Variants in LRRC9 observed in about 807,000 individuals in gnomAD.
LRRC9 encodes leucine-rich repeat-containing protein 9.
Under a neutral mutation model 63.2 loss-of-function variants are expected in LRRC9, and 122 were observed. The ratio of observed to expected loss-of-function variants is 1.93; its 90% CI spans 1.67 to 2.24. LRRC9 has a LOEUF of 2.24. Among genes scored for constraint, LRRC9 ranks in the 30% most tolerant of loss-of-function variants. The pLI is 0.00. For missense variants in LRRC9, 1,071 were observed against 627.7 expected (o/e 1.71, Z -7.55); for synonymous variants, 366 against 213.1 (o/e 1.72, Z -6.25).
intron 30 of LRRC9, 139 bp from the exon 31 acceptor site, chr14:60,057,739 C>G (rs1894390944): frequency 2.3e-6 from 1 of 429,176 alleles, no homozygotes; most frequent in Non-Finnish European, 4.2e-6. Context: ...TACCTAGTAC[C>G]AATTCTGAGT....
chr14:60,045,427 G>A (rs921901988), intron 29 of LRRC9, among the ~76,000 whole-genome samples: 10 of 151,962 alleles, frequency 6.6e-5, no homozygotes, highest in African/African-American at 9.7e-5. Context: ...CTCCCTCTCC[G>A]ACTCCCACCC....
At chr14:60,028,438 T>C (rs1412619731) in intron 28 of LRRC9, among the ~76,000 whole-genome samples, 1 of 152,098 alleles carries the variant, frequency 6.6e-6, no homozygotes, top group Non-Finnish European at 1.5e-5. Flanking sequence ...CCGGACTTCC[T>C]TTGGCCCCTT....
rs1046495372 is a variant in LRRC9 at position 59,923,466 on chromosome 14, C to T, written c.-34+3583C>T. Among the ~76,000 whole-genome samples the T allele has an allele frequency of 1.3e-5, 2 of 152,172 alleles. No individual in the cohort carries two copies. The highest frequency in any genetic ancestry group is 2.4e-5 in the African/African-American group (1 of 41,442). On this transcript the variant is annotated intron_variant, in intron 1 of 31. Coordinates refer to ENST00000445360, the Ensembl canonical transcript of LRRC9. This position sits in a 1 kb window ranked among gnomAD's most constrained non-coding sequence, Gnocchi z 4.2. The stretch of plus-strand genomic sequence containing the variant: ...GACTCAAAACTGTAATATGGAAGTT[C>T]TCCCTAAATTAATCTTTACAATGCA...
intron 23 of LRRC9, among the ~76,000 whole-genome samples, chr14:60,015,030 T>C (rs1350776975): frequency 1.3e-5 from 2 of 152,184 alleles, no homozygotes; most frequent in Non-Finnish European, 2.9e-5. Flanking sequence ...GTCTTCAAGT[T>C]CAGTTATTCT....
At chr14:60,013,009 G>A (rs1182500397) in intron 23 of LRRC9, among the ~76,000 whole-genome samples, 1 of 150,690 alleles carries the variant, frequency 6.6e-6, no homozygotes, top group African/African-American at 2.4e-5. Flanking sequence ...TGCACAATGT[G>A]CAGGTTCGTT....
intron 29 of LRRC9, among the ~76,000 whole-genome samples, chr14:60,038,719 C>T (rs948105525): frequency 2.0e-5 from 3 of 152,164 alleles, no homozygotes; most frequent in African/African-American, 7.2e-5. Flanking sequence ...CAAACCGGGA[C>T]AATTTGACTT....
At chr14:60,033,360 C>G (rs373608878) in intron 29 of LRRC9, among the ~76,000 whole-genome samples, 1 of 152,002 alleles carries the variant, frequency 6.6e-6, no homozygotes, top group East Asian at 1.9e-4. Flanking sequence ...ATTAGAAGTA[C>G]TTATAGTAAG....
chr14:59,991,153 T>C (rs1888045486), intron 17 of LRRC9, among the ~76,000 whole-genome samples: 1 of 152,230 alleles, frequency 6.6e-6, no homozygotes, highest in Non-Finnish European at 1.5e-5. Context: ...TATGATCTAA[T>C]TGAATCACTC....
intron 15 of LRRC9, among the ~76,000 whole-genome samples, chr14:59,979,667 G>T (rs938552786): frequency 2.6e-5 from 4 of 152,050 alleles, no homozygotes; most frequent in African/African-American, 9.7e-5. Flanking sequence ...GTCCTTTGTA[G>T]GGACATGGAT....
At chr14:59,954,569 T>C (rs1385144036) in intron 8 of LRRC9, among the ~76,000 whole-genome samples, 1 of 152,210 alleles carries the variant, frequency 6.6e-6, no homozygotes, top group African/African-American at 2.4e-5. Flanking sequence ...GCTGAGAATA[T>C]GGGATTTTCT....
chr14:59,952,422 CGG>C (rs1883263462), intron 8 of LRRC9, among the ~76,000 whole-genome samples: 1 of 152,152 alleles, frequency 6.6e-6, no homozygotes, highest in South Asian at 2.1e-4. Flanking sequence ...TGAGATGAAC[CGG>C]GTACCTCAGA....
intron 29 of LRRC9, among the ~76,000 whole-genome samples, chr14:60,035,515 T>C (rs2140346608): frequency 6.6e-6 from 1 of 152,344 alleles, no homozygotes; most frequent in South Asian, 2.1e-4. Context: ...TTTTATTTTG[T>C]ATATAGTGAG....
Position 59,961,614 on chromosome 14 carries a change from C to G in LRRC9, c.1211+569C>G, listed in dbSNP as rs193074761. ...GTTAGCATAAAGTATATGCTTATAC[C>G]AGGAATTCAGGTCAAAAGCTTGTAT... On this transcript the variant is annotated intron_variant, in intron 10 of 31. Coordinates refer to ENST00000445360, the Ensembl canonical transcript of LRRC9. Among the ~76,000 whole-genome samples, 60 of 152,038 alleles carry G rather than the reference C, an allele frequency of 3.9e-4. 1 individual carries two copies. Among genetic ancestry groups the G allele is most frequent in the African/African-American group, 1.3e-3 (54 of 41,476 alleles).
At chr14:59,939,900 TG>T (rs1881573954) in intron 7 of LRRC9, among the ~76,000 whole-genome samples, 1 of 151,924 alleles carries the variant, frequency 6.6e-6, no homozygotes, top group South Asian at 2.1e-4. Flanking sequence ...TTTCCTAGAT[TG>T]GGGGTATAAA....
At chr14:60,028,692 A>G (rs895880089) in intron 28 of LRRC9, among the ~76,000 whole-genome samples, 8 of 151,974 alleles carry the variant, frequency 5.3e-5, no homozygotes, top group Non-Finnish European at 1.0e-4. Flanking sequence ...CAGCCCTCAC[A>G]TTTCTCTTAG....
rs1466183495 is a variant in LRRC9, at chr14:60,042,419, CTTTG to C, written c.3990+10360_3990+10363del. On this transcript the variant is annotated intron_variant, in intron 29 of 31. Coordinates refer to ENST00000445360, the Ensembl canonical transcript of LRRC9. This position sits in a 1 kb window ranked among gnomAD's most constrained non-coding sequence, Gnocchi z 4.2. ...CCACTGAGTTCGAGCTTCCCAGCTT[CTTTG>C]TTTACCTATTCAAGCCTCAGCAATG... 1.3e-5 allele frequency among the ~76,000 whole-genome samples: 2 copies of C among 152,240 alleles called. No individual in the cohort carries two copies. The highest frequency in any genetic ancestry group is 2.4e-5 in the African/African-American group (1 of 41,466).
exon 32 of LRRC9, chr14:60,063,379 G>A: frequency 1.4e-6 from 1 of 699,932 alleles, no homozygotes; most frequent in Non-Finnish European, 2.6e-6. Context: ...AAAGAGAAAT[G>A]AGCATACACC....
At chr14:60,021,416 A>C (rs181580088) in intron 26 of LRRC9, among the ~76,000 whole-genome samples, 2 of 151,884 alleles carry the variant, frequency 1.3e-5, no homozygotes, top group African/African-American at 4.8e-5. Flanking sequence ...AATGATTTAC[A>C]GATATTGTCT....
chr14:60,045,907 T>G (rs1893383269), intron 29 of LRRC9, among the ~76,000 whole-genome samples: 1 of 152,128 alleles, frequency 6.6e-6, no homozygotes, highest in African/African-American at 2.4e-5. Context: ...TAAAAGCTTT[T>G]TTTTCTCTGC....
Sources: allele counts gnomAD v4.1 joint callset (sites outside exome capture counted in the v4.1 genomes callset), GRCh38; gene constraint gnomAD v4.1.1; non-coding constraint Gnocchi (gnomAD v3.1); transcripts MANE v1.5; gene names NCBI Gene and HGNC (gene_info 2026-07-23, HGNC 2026-07-21).